The following ADCY6 variants were observed in gnomAD, a reference collection of about 807,000 sequenced individuals.
ADCY6 encodes adenylate cyclase 6, also known as adenylate cyclase type 6.
In ADCY6, 59 loss-of-function variants were observed where a neutral mutation model predicts 111.6. The ratio of observed to expected loss-of-function variants is 0.53; its 90% CI spans 0.43 to 0.66. The LOEUF (loss-of-function observed/expected upper bound fraction) is 0.66, where lower values mean the gene tolerates loss of function less well. Ranked by LOEUF, ADCY6 falls within the 30% of genes least tolerant of loss-of-function variation. ADCY6 has a pLI of 0.00. For synonymous variants in ADCY6, 576 were observed against 642.9 expected, an observed-to-expected ratio of 0.90 and a Z score of 1.57; for missense variants, 1,242 against 1,595.6, an observed-to-expected ratio of 0.78 and a Z score of 3.78.
At chr12:48,787,875 G>A (rs989308268) in intron 1 of ADCY6, among the ~76,000 whole-genome samples, 1 of 152,188 alleles carries the variant, frequency 6.6e-6, no homozygotes, top group Non-Finnish European at 1.5e-5. Context: ...TGAGACCAGA[G>A]TTTGGAACCA....
Position 48,783,427 on chromosome 12 carries a change from C to T in ADCY6, c.8G>A (p.Trp3Ter). ...TTTAGGGACCAGGAGGCCACTAAAC[C>T]ATGACATGTTGCTGGTAGGGAAGGA... The part of the protein sequence containing the change: MS[W>*]FSGLLVPKVD... Residue 3 changes from tryptophan to a stop codon, truncating the protein, a stop_gained, in exon 2 of 22, where the codon TGG becomes TAG. Transcript: ENST00000357869. LOFTEE classifies it high-confidence loss of function. The T allele has an allele frequency of 6.2e-7, 1 of 1,614,214 alleles. No individual in the cohort carries two copies. The highest frequency in any genetic ancestry group is 8.5e-7 in the Non-Finnish European group (1 of 1,180,036).
chr12:48,775,182 C>G, intron 11 of ADCY6, 121 bp downstream of exon 11: 1 of 1,494,798 alleles, frequency 6.7e-7, no homozygotes, highest in Non-Finnish European at 9.2e-7. Flanking sequence ...AAATCCTCAC[C>G]CTGCTCTGTG....
At chr12:48,789,775 G>A (rs1166688016), upstream of ADCY6, 1 of 151,870 alleles carries the variant, frequency 6.6e-6, no homozygotes, top group Non-Finnish European at 1.5e-5. Context: ...GAACCTCGGG[G>A]CCCAGTGGAG....
chr12:48,768,314 C>T lies in ADCY6; in HGVS notation c.*277G>A. 1.9e-6 allele frequency: 1 copy of T among 513,288 alleles called. No individual in the cohort carries two copies. The highest frequency in any genetic ancestry group is 3.6e-5 in the East Asian group (1 of 27,886). 31.8% of individuals were successfully genotyped at this position (513,288 alleles called of 1,614,324 possible). A position where few individuals can be genotyped will look rare whatever the true frequency, so the allele number is the denominator to read the frequency against. On this transcript the variant is annotated 3_prime_UTR_variant, in exon 22 of 22. Transcript: ENST00000357869. Reference sequence around the variant, plus strand: ...GCCTCCCTCTGCTTCTGCTACTGACCCCTCCCCTGCTCCCAAAGGCTGGAA... The same window carrying T: ...GCCTCCCTCTGCTTCTGCTACTGACTCCTCCCCTGCTCCCAAAGGCTGGAA...
At chr12:48,778,027 C>T in intron 3 of ADCY6, 81 bp downstream of exon 3, 1 of 1,523,880 alleles carries the variant, frequency 6.6e-7, no homozygotes, top group Non-Finnish European at 8.8e-7. Flanking sequence ...CTGCACGGAA[C>T]TGGACAAGGC....
At position 48,776,095 on chromosome 12, in the gene ADCY6, T is replaced by C. The variant is rs199844372; in HGVS notation, c.1678-4A>G. On this transcript the variant is annotated splice_polypyrimidine_tract_variant and splice_region_variant and intron_variant, in intron 8 of 21. Transcript: ENST00000357869. The surrounding 1 kb of genome is among the most constrained non-coding windows in gnomAD (Gnocchi z 6.1). ...CCAGCATGGCCTTCTCCTCTTTCTGTGCGGGCAGCATGGGTACAGGCTCAG... is the reference window on the plus strand; with the variant it reads ...CCAGCATGGCCTTCTCCTCTTTCTGCGCGGGCAGCATGGGTACAGGCTCAG... 825 of 1,613,772 alleles carry C rather than the reference T, an allele frequency of 5.1e-4. 2 individuals carry two copies. The highest frequency in any genetic ancestry group is 5.1e-4 in the Non-Finnish European group (601 of 1,179,838).
In ADCY6 at chr12:48,782,750, CGA is replaced by C; in HGVS notation, c.683_684del (p.Leu228ArgfsTer51). The C allele has an allele frequency of 6.2e-7, 1 of 1,607,546 alleles. No individual in the cohort carries two copies. Among genetic ancestry groups the C allele is most frequent in the South Asian group, 1.1e-5 (1 of 90,230 alleles). On this transcript the variant is annotated frameshift_variant, in exon 2 of 22. Transcript: ENST00000357869. LOFTEE classifies it high-confidence loss of function. The surrounding 1 kb of genome is among the most constrained non-coding windows in gnomAD (Gnocchi z 4.3). Reference sequence around the variant, plus strand: ...GCAGAGGGGCTGCGCGGGTCTGCTGCGAGAGCGCCCCCGACCTGCACTGCCGC... The same window carrying C: ...GCAGAGGGGCTGCGCGGGTCTGCTGCGAGCGCCCCCGACCTGCACTGCCGC... ...ILAAVQVGGA[L>X]AADPRSPSAG...
Position 48,775,376 on chromosome 12 carries a change from C to G in ADCY6, c.1907G>C (p.Ser636Thr), listed in dbSNP as rs1455015511. 1.9e-6 allele frequency: 3 copies of G among 1,614,178 alleles called. No homozygotes were observed. The highest frequency in any genetic ancestry group is 2.5e-6 in the Non-Finnish European group (3 of 1,180,032). The change falls in exon 11 of 22, where the codon AGC (serine) becomes ACC (threonine). Residue 636 changes from serine to threonine, a missense_variant. Physicochemically the swap from Ser to Thr is moderately conservative, Grantham distance 58 (BLOSUM62 1). Transcript: ENST00000357869. ...EFLSRAIDARSIDQLRKDHVR... is the reference protein window; with the variant it reads ...EFLSRAIDARTIDQLRKDHVR... ...ATGGTCCTTCCGCAGCTGATCAATG[C>G]TGCGGGCATCGATGGCACGGCTCAG...
chr12:48,779,180 G>T (rs1337577148), intron 2 of ADCY6, among the ~76,000 whole-genome samples: 1 of 151,886 alleles, frequency 6.6e-6, no homozygotes, highest in Non-Finnish European at 1.5e-5. Context: ...ATGATCCACC[G>T]CACCTGGCCC....
At position 48,768,556 on chromosome 12, in the gene ADCY6, T is replaced by G. The variant is rs749813085; in HGVS notation, c.*35A>C. ...GCACAGAGTCCACTCAATGCCCACC[T>G]TGGTCCCTTCAGCTGAATTTGTGGC... On this transcript the variant is annotated 3_prime_UTR_variant, in exon 22 of 22. Transcript: ENST00000357869. The G allele has an allele frequency of 7.1e-5, 114 of 1,614,002 alleles. No individual in the cohort carries two copies. The highest frequency in any genetic ancestry group is 7.4e-5 in the Non-Finnish European group (87 of 1,179,996).
At position 48,768,369 on chromosome 12, in the gene ADCY6, TAAGA is replaced by T. The variant is rs1002574368; in HGVS notation, c.*218_*221del. 4.4e-5 allele frequency: 28 copies of T among 639,770 alleles called. No individual in the cohort carries two copies. The highest frequency in any genetic ancestry group is 3.7e-4 in the African/African-American group (20 of 54,398). 39.6% of individuals were successfully genotyped at this position (639,770 alleles called of 1,614,324 possible). ...GGAGAGGGAACAGCCCTACCCCAAG[TAAGA>T]AAGAAAGTCACTTGCATAATCCTCT... On this transcript the variant is annotated 3_prime_UTR_variant, in exon 22 of 22. Transcript: ENST00000357869.
At chr12:48,775,475 C>T (rs1346460241) in intron 10 of ADCY6, 25 bp from the exon 11 acceptor site, 3 of 1,613,172 alleles carry the variant, frequency 1.9e-6, no homozygotes, top group African/African-American at 2.7e-5. Context: ...CATGGTTTCA[C>T]CAGTTGCATG....
chr12:48,777,978 C>G lies in ADCY6; in HGVS notation c.1014+130G>C. The G allele has an allele frequency of 7.4e-7, 1 of 1,347,384 alleles. No homozygotes were observed. Among genetic ancestry groups the G allele is most frequent in the Non-Finnish European group, 1.0e-6 (1 of 991,400 alleles). 83.5% of individuals were successfully genotyped at this position (1,347,384 alleles called of 1,614,324 possible). ...AGGACAAAACCCCAGTATCACAGGG[C>G]CTCTGTGACGCACAACCCAGGGGAA... On this transcript the variant is annotated intron_variant, in intron 3 of 21. Transcript: ENST00000357869. This position sits in a 1 kb window ranked among gnomAD's most constrained non-coding sequence, Gnocchi z 4.9.
chr12:48,775,524 G>C (rs1034398854), intron 10 of ADCY6, 74 bp from the exon 11 acceptor site: 10 of 1,598,846 alleles, frequency 6.3e-6, no homozygotes, highest in Non-Finnish European at 7.7e-6. Context: ...GAAAGGTATG[G>C]ACAGCACCTG....
Position 48,774,948 on chromosome 12 carries a change from G to A in ADCY6, c.2078+9C>T. The A allele has an allele frequency of 2.6e-6, 4 of 1,552,092 alleles. No individual in the cohort carries two copies. The highest frequency in any genetic ancestry group is 3.5e-6 in the Non-Finnish European group (4 of 1,146,736). On this transcript the variant is annotated intron_variant, in intron 12 of 21. Transcript: ENST00000357869. ...AGAGAAGCTAAGAGAGGAAAGGCAG[G>A]GCTCTCACTGTGGGAAGATGAGAAG...
intron 13 of ADCY6, 48 bp downstream of exon 13, chr12:48,774,641 CTG>C: frequency 6.3e-7 from 1 of 1,594,706 alleles, no homozygotes; most frequent in South Asian, 1.1e-5. Flanking sequence ...TCCTCCCTGT[CTG>C]GAGTCCAGCC....
chr12:48,778,524 T>A (rs1254297367), intron 2 of ADCY6: 1 of 462,196 alleles, frequency 2.2e-6, no homozygotes, highest in African/African-American at 2.0e-5. Context: ...TAGGGCCAGA[T>A]AAGTCATGGG....
In ADCY6 at chr12:48,777,636, A is replaced by G. The variant is rs1233630116; in HGVS notation, c.1115T>C (p.Ile372Thr). 4 of 1,613,044 alleles carry G rather than the reference A, an allele frequency of 2.5e-6. No individual in the cohort carries two copies. The highest frequency in any genetic ancestry group is 2.5e-6 in the Non-Finnish European group (3 of 1,179,912). Residue 372 changes from isoleucine (I) to threonine (T), a missense_variant, in exon 4 of 22, where the codon ATA becomes ACA. Ile to Thr is a moderately conservative substitution (Grantham distance 89, BLOSUM62 -1). This residue lies in a region of ADCY6 where 260 missense variants were observed against 414.6 expected (regional missense o/e 0.63). Transcript: ENST00000357869. The surrounding 1 kb of genome is among the most constrained non-coding windows in gnomAD (Gnocchi z 4.9). ...KEDMMFHKIY[I>T]QKHDNVSILF... is the part of the protein sequence containing the mutation. ...CTACCTGACATTGTCATGCTTCTGTATGTAGATCTTGTGGAACATCATGTC... is the reference window on the plus strand; with the variant it reads ...CTACCTGACATTGTCATGCTTCTGTGTGTAGATCTTGTGGAACATCATGTC...
chr12:48,773,094 G>T (rs913739887), intron 16 of ADCY6, among the ~76,000 whole-genome samples: 2 of 152,174 alleles, frequency 1.3e-5, no homozygotes, highest in Non-Finnish European at 1.5e-5. Flanking sequence ...CAGAGGAAAA[G>T]CCAGTGTGGT....
Sources: gnomAD v4.1 joint callset for allele counts (sites outside exome capture counted in the v4.1 genomes callset) on GRCh38, gnomAD v4.1.1 for gene constraint, gnomAD v4.1.1 regional missense constraint, Gnocchi (gnomAD v3.1) non-coding constraint, MANE v1.5 for transcripts, NCBI Gene and HGNC (gene_info 2026-07-23, HGNC 2026-07-21) for gene names.